The following ACOT13 variants were observed in gnomAD, a reference collection of about 807,000 sequenced individuals.
ACOT13 encodes the protein acyl-CoA thioesterase 13, also known as acyl-coenzyme A thioesterase 13.
Under a neutral mutation model 11.8 loss-of-function variants are expected in ACOT13, and 10 were observed. That is an observed-to-expected ratio of 0.85 (90% CI 0.53 to 1.44). The LOEUF (loss-of-function observed/expected upper bound fraction) is 1.44, where lower values mean the gene tolerates loss of function less well. Ranked by LOEUF, ACOT13 falls within the 40% of genes most tolerant of loss-of-function variation. ACOT13 has a pLI of 0.00. For synonymous variants in ACOT13, 53 were observed against 61.0 expected, an observed-to-expected ratio of 0.87 and a Z score of 0.61; for missense variants, 172 against 174.1, an observed-to-expected ratio of 0.99 and a Z score of 0.07.
chr6:24,667,250 G>T lies in ACOT13; in HGVS notation c.-14G>T, dbSNP rs747139229. 2 of 1,613,816 alleles carry T rather than the reference G, an allele frequency of 1.2e-6. No individual in the cohort carries two copies. The highest frequency in any genetic ancestry group is 4.5e-5 in the East Asian group (2 of 44,882). ...GTTCTTGCGCAAAGCCCAAAGGCTG[G>T]AAAACCGTCCACGATGACCAGCATG... On this transcript the variant is annotated 5_prime_UTR_variant, in exon 1 of 3. Transcript: ENST00000230048.
At chr6:24,698,615 T>G (rs1393741126) in intron 2 of ACOT13, among the ~76,000 whole-genome samples, 1 of 151,816 alleles carries the variant, frequency 6.6e-6, no homozygotes, top group African/African-American at 2.4e-5. Flanking sequence ...ATAATCTTAC[T>G]CTAACAAACT....
intron 1 of ACOT13, among the ~76,000 whole-genome samples, chr6:24,696,487 C>T (rs994190556): frequency 5.9e-5 from 9 of 152,270 alleles, no homozygotes; most frequent in African/African-American, 1.9e-4. Flanking sequence ...ATCAAAGTGC[C>T]TAATAAATGG....
chr6:24,670,846 C>T (rs1370652088), intron 1 of ACOT13, among the ~76,000 whole-genome samples: 1 of 152,078 alleles, frequency 6.6e-6, no homozygotes, highest in African/African-American at 2.4e-5. Context: ...TTAGTTAATT[C>T]CTATTCTGCT....
rs745494685 is a variant in ACOT13, at chr6:24,704,879, T to C, written c.*3264T>C. On this transcript the variant is annotated 3_prime_UTR_variant, in exon 3 of 3. Transcript: ENST00000230048. ...TTCAAACTTTGTGTATTCACCTGAA[T>C]AGTCAGGGAACTTTCACCTATTTTA... 6.6e-6 allele frequency: 1 copy of C among 152,302 alleles called. No homozygotes were observed. The highest frequency in any genetic ancestry group is 1.5e-5 in the Non-Finnish European group (1 of 68,030). 9.4% of individuals were successfully genotyped at this position (152,302 alleles called of 1,614,324 possible).
At chr6:24,693,475 C>G (rs1479918407) in intron 1 of ACOT13, among the ~76,000 whole-genome samples, 1 of 152,070 alleles carries the variant, frequency 6.6e-6, no homozygotes, top group Non-Finnish European at 1.5e-5. Flanking sequence ...GAATGCAACC[C>G]TTTTAAAAAA....
At chr6:24,674,355 C>G (rs1223231880) in intron 1 of ACOT13, among the ~76,000 whole-genome samples, 1 of 151,892 alleles carries the variant, frequency 6.6e-6, no homozygotes, top group Non-Finnish European at 1.5e-5. Context: ...TGCCCCTGGC[C>G]TAAATAAGCT....
At chr6:24,698,804 A>G (rs762108410) in intron 2 of ACOT13, among the ~76,000 whole-genome samples, 28 of 151,932 alleles carry the variant, frequency 1.8e-4, no homozygotes, top group Admixed American at 1.3e-4. Context: ...TGCTGGGCTA[A>G]TTTTTGTGTT....
chr6:24,690,271 G>A lies in ACOT13; in HGVS notation c.82-7612G>A, dbSNP rs558884096. Reference sequence around the variant, plus strand: ...ATTGCAAAAATTCTACACAATTTGCGCTTTCCCTCTTTAAAGGAGAACTGG... The same window carrying A: ...ATTGCAAAAATTCTACACAATTTGCACTTTCCCTCTTTAAAGGAGAACTGG... On this transcript the variant is annotated intron_variant, in intron 1 of 2. Transcript: ENST00000230048. Among the ~76,000 whole-genome samples the A allele has an allele frequency of 7.0e-4, 107 of 152,230 alleles. 1 individual carries two copies. The highest frequency in any genetic ancestry group is 2.3e-3 in the African/African-American group (97 of 41,554).
At chr6:24,701,433 G>A in intron 2 of ACOT13, 26 bp from the exon 3 acceptor site, 1 of 1,586,828 alleles carries the variant, frequency 6.3e-7, no homozygotes, top group Non-Finnish European at 8.6e-7. Flanking sequence ...ATTATCTGCT[G>A]TTAACTATAT....
intron 1 of ACOT13, among the ~76,000 whole-genome samples, chr6:24,678,814 TG>T (rs1366408870): frequency 6.6e-6 from 1 of 152,214 alleles, no homozygotes; most frequent in Non-Finnish European, 1.5e-5. Context: ...GTGACAGATC[TG>T]GAGGACAGTT....
At chr6:24,676,756 C>T (rs1231122256) in intron 1 of ACOT13, among the ~76,000 whole-genome samples, 7 of 152,104 alleles carry the variant, frequency 4.6e-5, no homozygotes, top group East Asian at 1.9e-4. Context: ...CTTCAATATC[C>T]GCTTGGCAGT....
chr6:24,688,189 T>G (rs1361546108), intron 1 of ACOT13, among the ~76,000 whole-genome samples: 1 of 152,100 alleles, frequency 6.6e-6, no homozygotes, highest in African/African-American at 2.4e-5. Context: ...ATAAGGCATT[T>G]TTTTTTCAAA....
At chr6:24,681,279 G>A (rs989459295) in intron 1 of ACOT13, among the ~76,000 whole-genome samples, 27 of 152,124 alleles carry the variant, frequency 1.8e-4, no homozygotes, top group Admixed American at 1.6e-3. Context: ...AGCAGTTGCC[G>A]CTACCGACTG....
At chr6:24,679,507 G>A (rs1049682196) in intron 1 of ACOT13, among the ~76,000 whole-genome samples, 1 of 152,108 alleles carries the variant, frequency 6.6e-6, no homozygotes, top group Non-Finnish European at 1.5e-5. Context: ...GTGTTATAGT[G>A]GACATCATTG....
At chr6:24,699,421 AG>A (rs1778856911) in intron 2 of ACOT13, among the ~76,000 whole-genome samples, 1 of 152,154 alleles carries the variant, frequency 6.6e-6, no homozygotes, top group East Asian at 1.9e-4. Flanking sequence ...CGTGTTAGCC[AG>A]GCTGGTCTCG....
chr6:24,681,571 T>G (rs571766303), intron 1 of ACOT13, among the ~76,000 whole-genome samples: 1 of 61,156 alleles, frequency 1.6e-5, no homozygotes, highest in South Asian at 4.6e-4. Context: ...TCTCTCCCTC[T>G]CTCTCCGTCT....
intron 1 of ACOT13, among the ~76,000 whole-genome samples, chr6:24,680,411 G>A (rs1039252635): frequency 3.3e-5 from 5 of 152,036 alleles, no homozygotes; most frequent in African/African-American, 1.2e-4. Flanking sequence ...GGGGTGTGGG[G>A]AACGTTTCCG....
chr6:24,667,581 T>G (rs1235445410), intron 1 of ACOT13, among the ~76,000 whole-genome samples: 1 of 152,210 alleles, frequency 6.6e-6, no homozygotes, highest in African/African-American at 2.4e-5. Flanking sequence ...GTGGAGACAG[T>G]TCCAAGGCTG....
rs938034912 is a variant in ACOT13, at chr6:24,695,495, T to A, written c.82-2388T>A. 4.6e-5 allele frequency among the ~76,000 whole-genome samples: 7 copies of A among 152,338 alleles called. No individual in the cohort carries two copies. In the East Asian group the frequency reaches 1.3e-3, roughly 29 times the overall value. ...TCCTAATGTCTTTTCCCTGGAAATA[T>A]ACATTTTTAAAAGTTAGATATCTTT... On this transcript the variant is annotated intron_variant, in intron 1 of 2. Transcript: ENST00000230048.
Sources: allele counts gnomAD v4.1 joint callset (sites outside exome capture counted in the v4.1 genomes callset), GRCh38; gene constraint gnomAD v4.1.1; transcripts MANE v1.5; gene names NCBI Gene and HGNC (gene_info 2026-07-23, HGNC 2026-07-21).